The following ZNF341 variants were observed in gnomAD, a reference collection of about 807,000 sequenced individuals.
ZNF341 encodes the protein zinc finger protein 341.
Under a neutral mutation model 87.7 loss-of-function variants are expected in ZNF341, and 52 were observed. The observed-to-expected ratio is 0.59, with a 90% CI of 0.47 to 0.75. ZNF341 has a LOEUF of 0.75. ZNF341 is among the 30% of genes least tolerant of loss of function. The pLI is 0.00. For missense variants in ZNF341, 977 were observed against 1,145.9 expected (o/e 0.85, Z 2.13); for synonymous variants, 459 against 472.7 (o/e 0.97, Z 0.38).
rs764913748 is a variant in ZNF341, at chr20:33,788,972, C to T, written c.1962C>T (p.Phe654=). The change falls in exon 13 of 15, where the codon TTC becomes TTT. Residue 654 remains phenylalanine (F), a splice_region_variant and synonymous_variant. Coordinates refer to ENST00000375200, the MANE Select transcript of ZNF341 (RefSeq NM_001282933.2). ...HEPFKKYKCP[F]STHTGCSKEF... is the part of the protein sequence containing the mutation. ...CCTTCAAGAAATACAAATGCCCTTT[C>T]TCGTGAGTAGAGACTGCCATGCAGG... The T allele has an allele frequency of 3.3e-5, 54 of 1,613,078 alleles. No homozygotes were observed. Among genetic ancestry groups the T allele is most frequent in the Non-Finnish European group, 4.0e-5 (47 of 1,179,432 alleles).
At chr20:33,738,938 G>A (rs2018748693) in intron 1 of ZNF341, among the ~76,000 whole-genome samples, 1 of 152,160 alleles carries the variant, frequency 6.6e-6, no homozygotes, top group Admixed American at 6.6e-5. Flanking sequence ...GATTCAGTTT[G>A]GCTGCAGTAG....
chr20:33,748,809 G>A (rs2018993403), intron 3 of ZNF341, 114 bp from the exon 4 acceptor site: 7 of 1,034,852 alleles, frequency 6.8e-6, no homozygotes, highest in Non-Finnish European at 9.8e-6. Flanking sequence ...TTTGTGCCAT[G>A]CCCTCGGCTT....
In ZNF341 at chr20:33,762,446, TAAA is replaced by T. The variant is rs373716512; in HGVS notation, c.1222+394_1222+396del. Among the ~76,000 whole-genome samples the T allele has an allele frequency of 6.3e-3, 959 of 151,556 alleles. 5 individuals carry two copies. Among genetic ancestry groups the T allele is most frequent in the African/African-American group, 0.022 (919 of 41,352 alleles). On this transcript the variant is annotated intron_variant, in intron 8 of 14. Transcript: ENST00000375200. ...CAAGTAAGGGGAGACTACTATAAAA[TAAA>T]AATTTATGATCCCCTACTGTTAAAA...
rs1313709249 is a variant in ZNF341 at position 33,749,002 on chromosome 20, T to G, written c.419T>G (p.Val140Gly). The G allele has an allele frequency of 1.2e-6, 2 of 1,614,166 alleles. No individual in the cohort carries two copies. Among genetic ancestry groups the G allele is most frequent in the East Asian group, 2.2e-5 (1 of 44,882 alleles). Residue 140 changes from valine (V) to glycine (G), a missense_variant, in exon 4 of 15, where the codon GTG (valine) becomes GGG (glycine). By Grantham distance (109) the Val-to-Gly change is moderately radical. Around this residue, in one of 3 missense-constraint regions of ZNF341, gnomAD observed 515 missense variants for 598.2 expected, o/e 0.86. Transcript: ENST00000375200. ...GGGAACATCTTGGTGAGCGATGATG[T>G]GCTCATGTCTGCCATGTCAGCCTTC... The part of the protein sequence containing the change: ...VQGNILVSDD[V>G]LMSAMSAFTS...
intron 11 of ZNF341, among the ~76,000 whole-genome samples, chr20:33,782,675 G>A (rs1312846963): frequency 6.6e-6 from 1 of 152,168 alleles, no homozygotes; most frequent in Non-Finnish European, 1.5e-5. Context: ...TATAGGTGGG[G>A]AAACCAAGGC....
intron 10 of ZNF341, among the ~76,000 whole-genome samples, chr20:33,774,045 C>T (rs1197432527): frequency 2.7e-5 from 4 of 150,482 alleles, no homozygotes; most frequent in Non-Finnish European, 5.9e-5. Context: ...TTTGGGAGTC[C>T]GAGGAGGGCA....
At chr20:33,751,913 C>T (rs1438197694) in intron 4 of ZNF341, among the ~76,000 whole-genome samples, 1 of 152,062 alleles carries the variant, frequency 6.6e-6, no homozygotes, top group East Asian at 1.9e-4. Flanking sequence ...AGGTGACCAG[C>T]CACCATGACC....
intron 4 of ZNF341, chr20:33,752,393 T>C: frequency 1.6e-6 from 1 of 628,624 alleles, no homozygotes; most frequent in East Asian, 3.4e-5. Context: ...CATGGCAAGT[T>C]TCCGAATCTC....
Position 33,761,943 on chromosome 20 carries a change from G to A in ZNF341, c.1110G>A (p.Gln370=), listed in dbSNP as rs372933175. Residue 370 remains glutamine (Q), a synonymous_variant, in exon 8 of 15, where the codon CAG becomes CAA. Transcript: ENST00000375200. ...AGTCTAATGTTAAGAAACACATGCA[G>A]ACCCACAAGGTGTGGCCTCCAGGAC... is the stretch of plus-strand genomic sequence containing the variant. ...AQKSNVKKHM[Q]THKVWPPGHS... The A allele has an allele frequency of 5.6e-6, 9 of 1,608,534 alleles. No homozygotes were observed. The African/African-American group carries it at 1.1e-4, about 19-fold the overall frequency.
chr20:33,762,153 C>T, intron 8 of ZNF341, 98 bp downstream of exon 8: 1 of 1,100,548 alleles, frequency 9.1e-7, no homozygotes, highest in East Asian at 2.5e-5. Flanking sequence ...ACCCCATGAC[C>T]TCTCTGGGCT....
At chr20:33,767,093 A>C (rs1203310787) in intron 9 of ZNF341, 52 bp downstream of exon 9, 1 of 1,571,070 alleles carries the variant, frequency 6.4e-7, no homozygotes, top group African/African-American at 1.3e-5. Flanking sequence ...GAAACCTTTC[A>C]CTGGTGCTAG....
At position 33,791,659 on chromosome 20, in the gene ZNF341, C is replaced by T; in HGVS notation, c.*142C>T. On this transcript the variant is annotated 3_prime_UTR_variant, in exon 15 of 15. Coordinates refer to ENST00000375200, the MANE Select transcript of ZNF341 (RefSeq NM_001282933.2). ...AATCCTGCTGAATGTCATTCAGAAA[C>T]CTCAGCCCATGGTCGCCCTCCTGTG... 1 of 1,020,270 alleles carries T rather than the reference C, an allele frequency of 9.8e-7. No homozygotes were observed. Among genetic ancestry groups the T allele is most frequent in the Non-Finnish European group, 1.4e-6 (1 of 729,428 alleles). The allele number at this position is 1,020,270 out of a possible 1,614,324, so 63.2% of individuals were successfully genotyped here. A position where few individuals can be genotyped will look rare whatever the true frequency, so the allele number is the denominator to read the frequency against.
At chr20:33,790,419 G>A (rs1440294740) in intron 14 of ZNF341, among the ~76,000 whole-genome samples, 2 of 151,938 alleles carry the variant, frequency 1.3e-5, no homozygotes, top group African/African-American at 4.8e-5. Flanking sequence ...CCTGTGCCCT[G>A]TAGGATTTTT....
In ZNF341 at chr20:33,788,933, G is replaced by A. The variant is rs2019934143; in HGVS notation, c.1923G>A (p.Met641Ile). The change falls in exon 13 of 15, where the codon ATG (methionine) becomes ATA (isoleucine). Residue 641 changes from methionine to isoleucine, a missense_variant. This residue lies in a region of ZNF341 where 241 missense variants were observed against 335.0 expected (regional missense o/e 0.72). Transcript: ENST00000375200. ...GCAAGGACAAACTGAAGAGACACATGTTGATCCACGAGCCCTTCAAGAAAT... is the reference window on the plus strand; with the variant it reads ...GCAAGGACAAACTGAAGAGACACATATTGATCCACGAGCCCTTCAAGAAAT... Reference protein sequence around the residue: ...FNRKDKLKRHMLIHEPFKKYK... With the variant: ...FNRKDKLKRHILIHEPFKKYK... 1 of 1,614,048 alleles carries A rather than the reference G, an allele frequency of 6.2e-7. No homozygotes were observed. Among genetic ancestry groups the A allele is most frequent in the Non-Finnish European group, 8.5e-7 (1 of 1,180,002 alleles).
chr20:33,786,184 A>G (rs1282311417), intron 12 of ZNF341, among the ~76,000 whole-genome samples: 3 of 151,812 alleles, frequency 2.0e-5, no homozygotes, highest in Admixed American at 1.3e-4. Context: ...TTGTATTTTT[A>G]GTAGATATGT....
At chr20:33,773,316 T>A (rs2019564370) in intron 10 of ZNF341, among the ~76,000 whole-genome samples, 1 of 152,176 alleles carries the variant, frequency 6.6e-6, no homozygotes, top group Non-Finnish European at 1.5e-5. Context: ...TTGAGCCCGA[T>A]GCTGATGACC....
rs1449228083 is a variant in ZNF341, at chr20:33,791,091, T to C, written c.2139T>C (p.Cys713=). The C allele has an allele frequency of 6.2e-7, 1 of 1,613,022 alleles. No homozygotes were observed. The highest frequency in any genetic ancestry group is 8.5e-7 in the Non-Finnish European group (1 of 1,180,020). ...RAHTGNYKFR[C]AGCAKGFSRH... ...ACACGGGCAACTACAAGTTCCGCTGTGCTGGCTGCGCCAAGGGCTTTTCCC... is the reference window on the plus strand; with the variant it reads ...ACACGGGCAACTACAAGTTCCGCTGCGCTGGCTGCGCCAAGGGCTTTTCCC... The change falls in exon 15 of 15, where the codon TGT becomes TGC. Residue 713 remains cysteine, a synonymous_variant. Transcript: ENST00000375200.
chr20:33,760,866 C>T (rs2019275715), intron 7 of ZNF341, among the ~76,000 whole-genome samples: 1 of 152,086 alleles, frequency 6.6e-6, no homozygotes, highest in African/African-American at 2.4e-5. Flanking sequence ...TAAATAGCCC[C>T]ATATGGCTTA....
intron 9 of ZNF341, among the ~76,000 whole-genome samples, chr20:33,769,725 A>G (rs1421500377): frequency 6.6e-6 from 1 of 152,150 alleles, no homozygotes; most frequent in Non-Finnish European, 1.5e-5. Flanking sequence ...AGCCTGGCCA[A>G]TGTGGTGAAA....
Sources: allele counts gnomAD v4.1 joint callset (sites outside exome capture counted in the v4.1 genomes callset), GRCh38; gene constraint gnomAD v4.1.1; regional missense constraint gnomAD v4.1.1; transcripts MANE v1.5; gene names NCBI Gene and HGNC (gene_info 2026-07-23, HGNC 2026-07-21).